SUSD1: variants seen among roughly 807,000 people sequenced by gnomAD.
SUSD1 encodes sushi domain containing 1, also known as sushi domain-containing protein 1.
A neutral mutation model predicts 86.9 loss-of-function variants in SUSD1; 65 were observed. That is an observed-to-expected ratio of 0.75 (90% CI 0.61 to 0.92). SUSD1 has a LOEUF of 0.92. SUSD1 is among the 40% of genes least tolerant of loss of function. SUSD1 has a pLI of 0.00. For synonymous variants in SUSD1, 346 were observed against 350.0 expected, an observed-to-expected ratio of 0.99 and a Z score of 0.13; for missense variants, 850 against 929.7, an observed-to-expected ratio of 0.91 and a Z score of 1.11.
chr9:112,078,169 A>AC (rs1272627971), intron 12 of SUSD1, among the ~76,000 whole-genome samples: 1 of 151,964 alleles, frequency 6.6e-6, no homozygotes, highest in Non-Finnish European at 1.5e-5. Flanking sequence ...ACATAGTGAA[A>AC]CCCCGTCTCT....
intron 12 of SUSD1, among the ~76,000 whole-genome samples, chr9:112,068,457 C>A (rs1829090723): frequency 6.6e-6 from 1 of 152,132 alleles, no homozygotes; most frequent in Non-Finnish European, 1.5e-5. Context: ...TGCCTGTAAT[C>A]CCAGCACTTG....
intron 2 of SUSD1, among the ~76,000 whole-genome samples, chr9:112,150,191 C>T (rs540352212): frequency 2.0e-5 from 3 of 152,324 alleles, no homozygotes; most frequent in Admixed American, 6.5e-5. Context: ...AGCAATGCTA[C>T]GTACCAGTAA....
chr9:112,145,248 A>T (rs929235479), intron 3 of SUSD1, among the ~76,000 whole-genome samples: 4 of 150,718 alleles, frequency 2.7e-5, no homozygotes, highest in South Asian at 4.2e-4. Context: ...TAAAAAAAAA[A>T]TTTCAAAAAG....
At chr9:112,129,788 G>A (rs948058524) in intron 5 of SUSD1, among the ~76,000 whole-genome samples, 17 of 152,102 alleles carry the variant, frequency 1.1e-4, no homozygotes, top group Admixed American at 6.5e-4. Flanking sequence ...GCTTAAAATC[G>A]TATGTTTTAC....
chr9:112,098,545 A>G lies in SUSD1; in HGVS notation c.1399T>C (p.Tyr467His), dbSNP rs1375714946. 6.2e-7 allele frequency: 1 copy of G among 1,614,224 alleles called. No homozygotes were observed. Among genetic ancestry groups the G allele is most frequent in the Non-Finnish European group, 8.5e-7 (1 of 1,180,028 alleles). ...VCLDLYPTTD[Y>H]TVNVTLLRSP... is the part of the protein sequence containing the mutation. ...CTCAGCAGGGTCACATTCACCGTAT[A>G]ATCAGTCGTAGGGTACAGATCCAAA... is the stretch of plus-strand genomic sequence containing the variant. Residue 467 changes from tyrosine (Y) to histidine (H), a missense_variant, in exon 10 of 17, where the codon TAT (tyrosine) becomes CAT (histidine). Tyr to His is a moderately conservative substitution (Grantham distance 83). Coordinates refer to ENST00000374270, the MANE Select transcript of SUSD1 (RefSeq NM_022486.5).
chr9:112,068,165 T>C (rs1829074718), intron 12 of SUSD1, among the ~76,000 whole-genome samples: 3 of 152,080 alleles, frequency 2.0e-5, no homozygotes, highest in Admixed American at 2.0e-4. Context: ...AGAGCTGTGA[T>C]GGAGTTATAT....
chr9:112,149,575 C>A (rs560261068), intron 2 of SUSD1, among the ~76,000 whole-genome samples, 176 bp from the exon 3 acceptor site: 1 of 152,192 alleles, frequency 6.6e-6, no homozygotes, highest in Non-Finnish European at 1.5e-5. Flanking sequence ...AGGACCTGGG[C>A]CCCTCGTAGT....
At chr9:112,119,728 A>G (rs544455368) in intron 6 of SUSD1, among the ~76,000 whole-genome samples, 1 of 152,284 alleles carries the variant, frequency 6.6e-6, no homozygotes, top group East Asian at 1.9e-4. Context: ...TTTTCCAGAC[A>G]CGAAAGTGAT....
intron 5 of SUSD1, among the ~76,000 whole-genome samples, chr9:112,139,708 T>C (rs1334180009): frequency 6.6e-6 from 1 of 151,506 alleles, no homozygotes; most frequent in African/African-American, 2.4e-5. Context: ...CATCGTTATT[T>C]AAAAGAAGAA....
intron 5 of SUSD1, among the ~76,000 whole-genome samples, chr9:112,141,857 G>GTA (rs1053291158): frequency 4.0e-4 from 55 of 138,588 alleles, no homozygotes; most frequent in African/African-American, 1.4e-3. Flanking sequence ...ATATATATAT[G>GTA]TATATATATA....
At chr9:112,068,506 G>A (rs1829092601) in intron 12 of SUSD1, among the ~76,000 whole-genome samples, 1 of 152,106 alleles carries the variant, frequency 6.6e-6, no homozygotes. Flanking sequence ...TTCAAGACCA[G>A]CTTGGGCAAC....
chr9:112,069,454 G>A, intron 12 of SUSD1, among the ~76,000 whole-genome samples: 1 of 152,158 alleles, frequency 6.6e-6, no homozygotes, highest in Non-Finnish European at 1.5e-5. Flanking sequence ...CTGGATTCCT[G>A]TGGCAGTGAT....
rs778251149 is a variant in SUSD1, at chr9:112,143,612, A to G, written c.385T>C (p.Cys129Arg). Residue 129 changes from cysteine (C) to arginine (R), a missense_variant, in exon 4 of 17, where the codon TGT becomes CGT. Cys to Arg is a radical substitution (Grantham distance 180). Coordinates refer to ENST00000374270, the MANE Select transcript of SUSD1 (RefSeq NM_022486.5). ...DGTFCTDIDE[C>R]EVSGLCRHGG... ...TGCCTGCACAGGCCAGAAACTTCAC[A>G]CTCATCTATGTCTTGGGACCCAATC... The G allele has an allele frequency of 6.2e-7, 1 of 1,613,072 alleles. No individual in the cohort carries two copies.
At chr9:112,137,955 G>T (rs1395722158) in intron 5 of SUSD1, 1 of 151,756 alleles carries the variant, frequency 6.6e-6, no homozygotes, top group African/African-American at 2.4e-5. Context: ...GGGTGCGGTG[G>T]CTCATGCCTG....
intron 2 of SUSD1, among the ~76,000 whole-genome samples, chr9:112,154,242 AC>A (rs1281431764): frequency 6.6e-6 from 1 of 151,268 alleles, no homozygotes; most frequent in African/African-American, 2.4e-5. Context: ...TAATCCCAGC[AC>A]TTTGGGAGGC....
At chr9:112,060,223 C>A (rs1444471562) in intron 13 of SUSD1, among the ~76,000 whole-genome samples, 1 of 152,084 alleles carries the variant, frequency 6.6e-6, no homozygotes, top group African/African-American at 2.4e-5. Context: ...CACCAGGTTC[C>A]CAAACATCCT....
chr9:112,096,696 C>T (rs1482086933), intron 10 of SUSD1, among the ~76,000 whole-genome samples: 1 of 152,074 alleles, frequency 6.6e-6, no homozygotes, highest in East Asian at 1.9e-4. Flanking sequence ...TATGCCACCA[C>T]ACCCAGCTAA....
intron 10 of SUSD1, among the ~76,000 whole-genome samples, chr9:112,090,652 C>T (rs137883365): frequency 3.9e-5 from 6 of 151,910 alleles, no homozygotes; most frequent in East Asian, 3.9e-4. Context: ...ACGCCACATA[C>T]GACAATACAC....
chr9:112,075,576 C>CA (rs1015033838), intron 12 of SUSD1, among the ~76,000 whole-genome samples: 5 of 151,768 alleles, frequency 3.3e-5, no homozygotes, highest in African/African-American at 9.7e-5. Flanking sequence ...AAAATAAAAA[C>CA]AAAAAAATCC....
Sources: allele counts gnomAD v4.1 joint callset (sites outside exome capture counted in the v4.1 genomes callset), GRCh38; gene constraint gnomAD v4.1.1; transcripts MANE v1.5; gene names NCBI Gene and HGNC (gene_info 2026-07-23, HGNC 2026-07-21).